MICAL2: variants seen among roughly 807,000 people sequenced by gnomAD.
MICAL2 encodes [F-actin]-monooxygenase MICAL2.
MICAL2 carries 77 observed loss-of-function variants against 127.3 expected under a neutral mutation model. The observed-to-expected ratio is 0.60, with a 90% confidence interval of 0.50 to 0.73. The LOEUF is 0.73. Ranked by LOEUF, MICAL2 falls within the 30% of genes least tolerant of loss-of-function variation. The pLI is 0.00. For synonymous variants in MICAL2, 570 were observed against 551.1 expected (o/e 1.03, Z -0.48); for missense variants, 1,351 against 1,434.4 (o/e 0.94, Z 0.94).
chr11:12,224,293 G>A (rs1035020049), intron 12 of MICAL2: 7 of 189,182 alleles, frequency 3.7e-5, no homozygotes, highest in African/African-American at 1.2e-4. Flanking sequence ...CCCTCCCAGC[G>A]CAGACTCAGG....
chr11:12,349,805 A>G (rs375704150), intron 32 of MICAL2: 71 of 1,603,718 alleles, frequency 4.4e-5, no homozygotes, highest in African/African-American at 2.8e-4. Context: ...AGAAATGCCA[A>G]TCTAACCCAT....
chr11:12,240,677 C>T (rs921324776), intron 17 of MICAL2, among the ~76,000 whole-genome samples: 1 of 152,240 alleles, frequency 6.6e-6, no homozygotes, highest in Non-Finnish European at 1.5e-5. Context: ...GGGCAGGAAG[C>T]TTTTCTGTTT....
chr11:12,130,972 C>T (rs1441243378), intron 1 of MICAL2, among the ~76,000 whole-genome samples: 1 of 152,228 alleles, frequency 6.6e-6, no homozygotes, highest in East Asian at 1.9e-4. Context: ...GAGCAGAGGC[C>T]GGAGGGCCTC....
At chr11:12,228,942 T>G (rs916667463) in intron 15 of MICAL2, among the ~76,000 whole-genome samples, 15 of 152,058 alleles carry the variant, frequency 9.9e-5, no homozygotes, top group African/African-American at 3.6e-4. Flanking sequence ...TAGGGGCAGT[T>G]GTAAGTACCT....
At chr11:12,236,571 C>T (rs1279964279) in intron 16 of MICAL2, among the ~76,000 whole-genome samples, 1 of 152,214 alleles carries the variant, frequency 6.6e-6, no homozygotes, top group Non-Finnish European at 1.5e-5. Flanking sequence ...AATCAATATA[C>T]AACCACTGTT....
intron 21 of MICAL2, 54 bp downstream of exon 21, chr11:12,244,166 C>G: frequency 1.2e-6 from 2 of 1,605,466 alleles, no homozygotes; most frequent in Non-Finnish European, 1.7e-6. Flanking sequence ...CCCAGATGTT[C>G]TCATGCTCCA....
At chr11:12,296,102 C>T (rs1260174405), downstream of MICAL2, among the ~76,000 whole-genome samples, 1 of 151,704 alleles carries the variant, frequency 6.6e-6, no homozygotes. Flanking sequence ...TATCTCATCC[C>T]CTCTCCTCCT....
chr11:12,123,004 A>C (rs1457304211), intron 1 of MICAL2, among the ~76,000 whole-genome samples: 1 of 152,088 alleles, frequency 6.6e-6, no homozygotes, highest in African/African-American at 2.4e-5. Flanking sequence ...CATGGAGAGT[A>C]GGTCTAATCT....
chr11:12,307,098 A>G (rs903627540), intron 29 of MICAL2, among the ~76,000 whole-genome samples: 1 of 152,224 alleles, frequency 6.6e-6, no homozygotes, highest in Non-Finnish European at 1.5e-5. Context: ...CTGTACATCC[A>G]TGCTAACACT....
chr11:12,289,553 CTTGTTTTTTTTTGTTTT>C (rs1863869653), downstream of MICAL2, among the ~76,000 whole-genome samples: 2 of 42,078 alleles, frequency 4.8e-5, no homozygotes, highest in Non-Finnish European at 1.6e-4. Flanking sequence ...CTGGGCACCT[CTTGTTTTTTTTTGTTTT>C]TTTTTTTTTT....
At chr11:12,252,913 C>G (rs561273984) in intron 22 of MICAL2, 2 of 152,376 alleles carry the variant, frequency 1.3e-5, no homozygotes, top group South Asian at 2.1e-4. Context: ...GCTGCTCTCT[C>G]TGGCCACATC....
intron 1 of MICAL2, among the ~76,000 whole-genome samples, chr11:12,130,318 G>A (rs940017893): frequency 6.6e-6 from 1 of 152,234 alleles, no homozygotes; most frequent in African/African-American, 2.4e-5. Context: ...AGGAGGAGCA[G>A]GTGCTGAGGT....
intron 32 of MICAL2, among the ~76,000 whole-genome samples, chr11:12,336,515 C>G (rs140636616): frequency 0.41 from 62,118 of 152,008 alleles, 15,346 homozygotes; most frequent in Non-Finnish European, 0.56. Flanking sequence ...GAGAGAGGGC[C>G]TCCCTGTCTT....
chr11:12,223,269 C>A (rs140740167), intron 11 of MICAL2, 142 bp from the exon 12 acceptor site: 4 of 662,478 alleles, frequency 6.0e-6, no homozygotes, highest in African/African-American at 3.6e-5. Flanking sequence ...AAGTTGCCTG[C>A]GTTCCCTTGC....
At chr11:12,156,227 T>C (rs1854171295) in intron 2 of MICAL2, among the ~76,000 whole-genome samples, 1 of 151,960 alleles carries the variant, frequency 6.6e-6, no homozygotes, top group South Asian at 2.1e-4. Context: ...TCGTGGTGAG[T>C]CTCTTGGGTG....
At chr11:12,135,515 T>C (rs1214512183) in intron 1 of MICAL2, among the ~76,000 whole-genome samples, 3 of 152,210 alleles carry the variant, frequency 2.0e-5, no homozygotes. Context: ...AGCAATGGGC[T>C]AAGTCCTTTA....
chr11:12,356,255 C>T (rs1466341386), intron 34 of MICAL2, among the ~76,000 whole-genome samples: 1 of 152,208 alleles, frequency 6.6e-6, no homozygotes, highest in South Asian at 2.1e-4. Context: ...TCTGCCTATG[C>T]ATCCTCCCAC....
At chr11:12,240,430 T>C (rs965969288) in intron 17 of MICAL2, among the ~76,000 whole-genome samples, 1 of 152,230 alleles carries the variant, frequency 6.6e-6, no homozygotes, top group Non-Finnish European at 1.5e-5. Flanking sequence ...GTTAATTAGC[T>C]TTTGAGGCAA....
intron 33 of MICAL2, among the ~76,000 whole-genome samples, chr11:12,351,608 G>C (rs1939046568): frequency 6.6e-6 from 1 of 152,186 alleles, no homozygotes; most frequent in African/African-American, 2.4e-5. Context: ...AAAGAGAGGA[G>C]TGAGTTGAGC....
Sources: allele counts gnomAD v4.1 joint callset (sites outside exome capture counted in the v4.1 genomes callset), GRCh38; gene constraint gnomAD v4.1.1; transcripts MANE v1.5; gene names NCBI Gene and HGNC (gene_info 2026-07-23, HGNC 2026-07-21).